The following SEL1L variants were observed in gnomAD, a reference collection of about 807,000 sequenced individuals.
SEL1L encodes the protein protein sel-1 homolog 1.
A neutral mutation model predicts 109.8 loss-of-function variants in SEL1L; 52 were observed. The observed-to-expected ratio is 0.47, with a 90% CI of 0.38 to 0.60. The LOEUF (loss-of-function observed/expected upper bound fraction) is 0.60. Ranked by LOEUF, SEL1L falls within the 20% of genes least tolerant of loss-of-function variation. SEL1L has a pLI of 0.00. For missense variants in SEL1L, 749 were observed against 962.2 expected (o/e 0.78, Z 2.93); for synonymous variants, 373 against 339.6 (o/e 1.10, Z -1.08).
intron 11 of SEL1L, among the ~76,000 whole-genome samples, chr14:81,494,684 T>C (rs1452383852): frequency 6.6e-6 from 1 of 152,218 alleles, no homozygotes; most frequent in African/African-American, 2.4e-5. Flanking sequence ...CTACTTCTCT[T>C]TACAGAAGTC....
At chr14:81,510,597 A>C (rs1411307919) in intron 3 of SEL1L, among the ~76,000 whole-genome samples, 1 of 151,798 alleles carries the variant, frequency 6.6e-6, no homozygotes, top group Non-Finnish European at 1.5e-5. Flanking sequence ...ATCAAAACAG[A>C]AAACTAAAAG....
At chr14:81,499,713 AAGACAGACAC>A (rs774210449) in intron 6 of SEL1L, 51 bp from the exon 7 acceptor site, 4 of 1,458,762 alleles carry the variant, frequency 2.7e-6, no homozygotes, top group Non-Finnish European at 3.8e-6. Flanking sequence ...AGGTTTATCC[AAGACAGACAC>A]AGACAGACAC....
chr14:81,512,308 C>T (rs1367055353), intron 3 of SEL1L, among the ~76,000 whole-genome samples: 1 of 152,212 alleles, frequency 6.6e-6, no homozygotes, highest in Non-Finnish European at 1.5e-5. Flanking sequence ...CTCTGGAGAA[C>T]TGTGACTAAT....
chr14:81,527,780 G>A (rs566326520), intron 1 of SEL1L, 42 bp from the exon 2 acceptor site: 2 of 1,373,482 alleles, frequency 1.5e-6, no homozygotes, highest in Non-Finnish European at 2.0e-6. Context: ...CTTTCTTGTT[G>A]GGAAATTAGT....
In SEL1L at chr14:81,497,828, C is replaced by T. The variant is rs1883831986; in HGVS notation, c.1128+64G>A. 22 of 1,461,796 alleles carry T rather than the reference C, an allele frequency of 1.5e-5. No homozygotes were observed. In the East Asian group the frequency reaches 2.8e-4, roughly 19 times the overall value. The allele number at this position is 1,461,796 out of a possible 1,614,324, so 90.6% of individuals were successfully genotyped here. A position where few individuals can be genotyped will look rare whatever the true frequency, so the allele number is the denominator to read the frequency against. On this transcript the variant is annotated intron_variant, in intron 10 of 20. Transcript: ENST00000336735. ...ACTTACAGATATAAGTGCTTGCTCC[C>T]GTCCCCCACAGATTAAAATATACAA...
intron 3 of SEL1L, among the ~76,000 whole-genome samples, chr14:81,519,244 A>T (rs1329561450): frequency 1.3e-5 from 2 of 152,172 alleles, no homozygotes; most frequent in African/African-American, 4.8e-5. Flanking sequence ...TTGAAAGCTT[A>T]CATCTGGTTT....
At chr14:81,480,228 A>G (rs1903306139) in intron 19 of SEL1L, among the ~76,000 whole-genome samples, 1 of 151,916 alleles carries the variant, frequency 6.6e-6, no homozygotes, top group Admixed American at 6.6e-5. Flanking sequence ...TCTTGCTGTC[A>G]CCCAGGCTGG....
chr14:81,488,010 A>T, intron 14 of SEL1L, 68 bp from the exon 15 acceptor site: 1 of 1,216,634 alleles, frequency 8.2e-7, no homozygotes. Flanking sequence ...TAAGAGATTT[A>T]TTTAAAAAAA....
intron 4 of SEL1L, 140 bp downstream of exon 4, chr14:81,505,934 C>T (rs1016969748): frequency 1.4e-6 from 1 of 703,136 alleles, no homozygotes; most frequent in Non-Finnish European, 2.2e-6. Flanking sequence ...CTCTTAAGTC[C>T]ACTCTTTAAG....
intron 10 of SEL1L, among the ~76,000 whole-genome samples, chr14:81,496,695 G>T (rs1883766523): frequency 6.6e-6 from 1 of 152,122 alleles, no homozygotes; most frequent in Non-Finnish European, 1.5e-5. Context: ...AGCTGAGATA[G>T]TGGCACTGGG....
At chr14:81,495,946 CAAAT>C (rs1341049589) in intron 10 of SEL1L, among the ~76,000 whole-genome samples, 3 of 151,982 alleles carry the variant, frequency 2.0e-5, no homozygotes, top group Non-Finnish European at 4.4e-5. Context: ...AAAAAACAAA[CAAAT>C]GAATAAACAA....
chr14:81,524,699 C>T (rs1241265745), intron 3 of SEL1L, among the ~76,000 whole-genome samples: 1 of 152,074 alleles, frequency 6.6e-6, no homozygotes. Flanking sequence ...TGGTGAAACC[C>T]CAACTCTACT....
intron 3 of SEL1L, among the ~76,000 whole-genome samples, chr14:81,516,550 A>T (rs991163272): frequency 2.0e-5 from 3 of 152,150 alleles, no homozygotes; most frequent in Admixed American, 2.0e-4. Context: ...TCAACCCTGA[A>T]GTCTGGGCAT....
intron 19 of SEL1L, 59 bp from the exon 20 acceptor site, chr14:81,479,799 G>C (rs1314331488): frequency 6.8e-7 from 1 of 1,481,118 alleles, no homozygotes; most frequent in East Asian, 2.4e-5. Context: ...AAAATATTTA[G>C]TGAACATATT....
chr14:81,530,734 T>C (rs1885288965), intron 1 of SEL1L, among the ~76,000 whole-genome samples: 1 of 152,220 alleles, frequency 6.6e-6, no homozygotes, highest in Non-Finnish European at 1.5e-5. Flanking sequence ...ATATTAGCCA[T>C]GTGTCAATGA....
intron 8 of SEL1L, chr14:81,498,821 C>A: frequency 5.5e-6 from 1 of 180,602 alleles, no homozygotes; most frequent in Non-Finnish European, 1.1e-5. Flanking sequence ...TAATCTTAGA[C>A]ATAATTTTAT....
chr14:81,490,886 G>GTC (rs745517525), intron 12 of SEL1L, among the ~76,000 whole-genome samples: 44 of 152,144 alleles, frequency 2.9e-4, no homozygotes, highest in Non-Finnish European at 3.8e-4. Flanking sequence ...GGGCCACAAA[G>GTC]CAAGACCTCA....
In SEL1L at chr14:81,487,545, GAA is replaced by G. The variant is rs200414085; in HGVS notation, c.1484-9_1484-8del. On this transcript the variant is annotated splice_region_variant and splice_polypyrimidine_tract_variant and intron_variant, in intron 15 of 20. Transcript: ENST00000336735. ...CTCTTGACTCCAATGCCATCTGTAA[GAA>G]AAAAAAAAATCACACGAGATAATAG... 3 of 1,288,894 alleles carry G rather than the reference GAA, an allele frequency of 2.3e-6. No homozygotes were observed. The highest frequency in any genetic ancestry group is 2.3e-5 in the Admixed American group (1 of 42,682). The allele number at this position is 1,288,894 out of a possible 1,614,324, so 79.8% of individuals were successfully genotyped here.
In SEL1L at chr14:81,498,449, A is replaced by G; in HGVS notation, c.937T>C (p.Ser313Pro). 1 of 1,614,144 alleles carries G rather than the reference A, an allele frequency of 6.2e-7. No homozygotes were observed. The highest frequency in any genetic ancestry group is 8.5e-7 in the Non-Finnish European group (1 of 1,179,990). ...AGIGVLQSCE[S>P]ALTHYRLVAN... ...ACAAGACGATAGTGAGTCAGGGCAGATTCACAACTCTGGAGGACGCCGATG... is the reference window on the plus strand; with the variant it reads ...ACAAGACGATAGTGAGTCAGGGCAGGTTCACAACTCTGGAGGACGCCGATG... The change falls in exon 9 of 21, where the codon TCT (serine) becomes CCT (proline). Residue 313 changes from serine to proline, a missense_variant. Coordinates refer to ENST00000336735, the MANE Select transcript of SEL1L (RefSeq NM_005065.6).
Sources: allele counts gnomAD v4.1 joint callset (sites outside exome capture counted in the v4.1 genomes callset), GRCh38; gene constraint gnomAD v4.1.1; transcripts MANE v1.5; gene names NCBI Gene and HGNC (gene_info 2026-07-23, HGNC 2026-07-21).